Variants in WDR64 observed in about 807,000 individuals in gnomAD.
WDR64 encodes WD repeat domain 64, also known as WD repeat-containing protein 64.
WDR64 carries 112 observed loss-of-function variants against 139.3 expected under a neutral mutation model. The ratio of observed to expected loss-of-function variants is 0.80; its 90% CI spans 0.69 to 0.94. The LOEUF (loss-of-function observed/expected upper bound fraction) is 0.94. WDR64 is among the 40% of genes least tolerant of loss of function. The pLI is 0.00. For missense variants in WDR64, 1,206 were observed against 1,293.1 expected (o/e 0.93, Z 1.03); for synonymous variants, 444 against 437.7 (o/e 1.01, Z -0.18).
At chr1:241,702,911 C>A (rs1311489947) in intron 8 of WDR64, among the ~76,000 whole-genome samples, 1 of 152,050 alleles carries the variant, frequency 6.6e-6, no homozygotes, top group Non-Finnish European at 1.5e-5. Context: ...GCAAAATCTA[C>A]AATATTTGTT....
chr1:241,717,509 C>G (rs750393601), intron 9 of WDR64, among the ~76,000 whole-genome samples: 2 of 151,878 alleles, frequency 1.3e-5, no homozygotes, highest in Non-Finnish European at 2.9e-5. Flanking sequence ...AAGAGTGATG[C>G]ACTTAGATGA....
rs1248730932 is a variant in WDR64 at position 241,703,507 on chromosome 1, C to T, written c.975-8295C>T. Among the ~76,000 whole-genome samples, 1 of 147,474 alleles carries T rather than the reference C, an allele frequency of 6.8e-6. No individual in the cohort carries two copies. The highest frequency in any genetic ancestry group is 1.5e-5 in the Non-Finnish European group (1 of 66,720). ...GAAGAAACTGTCAGAAAATGTTTCTCTTTAAAATTGCTATCATTTCAGGGG... is the reference window on the plus strand; with the variant it reads ...GAAGAAACTGTCAGAAAATGTTTCTTTTTAAAATTGCTATCATTTCAGGGG... On this transcript the variant is annotated intron_variant, in intron 8 of 27. Coordinates refer to ENST00000437684, the MANE Select transcript of WDR64 (RefSeq NM_001367482.1). This position sits in a 1 kb window ranked among gnomAD's most constrained non-coding sequence, Gnocchi z 5.9.
chr1:241,724,763 T>C (rs921630249), intron 10 of WDR64, among the ~76,000 whole-genome samples: 6 of 152,222 alleles, frequency 3.9e-5, no homozygotes, highest in African/African-American at 1.4e-4. Flanking sequence ...TAAATAAACA[T>C]TCAAACTTTC....
intron 8 of WDR64, among the ~76,000 whole-genome samples, chr1:241,694,710 C>T (rs752172784): frequency 2.6e-5 from 4 of 152,130 alleles, no homozygotes; most frequent in Non-Finnish European, 4.4e-5. Context: ...CCAGAGAAAA[C>T]ATGTTCATTT....
chr1:241,787,360 C>CA (rs377529642), intron 23 of WDR64, among the ~76,000 whole-genome samples: 968 of 83,794 alleles, frequency 0.012, 22 homozygotes, highest in Middle Eastern at 0.034. Context: ...CGAGACTCCT[C>CA]AAAAAAAAAA....
At chr1:241,687,787 G>A (rs1255799441) in intron 8 of WDR64, among the ~76,000 whole-genome samples, 192 bp downstream of exon 8, 1 of 152,172 alleles carries the variant, frequency 6.6e-6, no homozygotes, top group East Asian at 1.9e-4. Flanking sequence ...TGAACATGAC[G>A]TGTCCTAACA....
chr1:241,725,135 G>A (rs1668752111), intron 10 of WDR64, among the ~76,000 whole-genome samples: 1 of 152,148 alleles, frequency 6.6e-6, no homozygotes, highest in African/African-American at 2.4e-5. Flanking sequence ...AGAAAGTGGA[G>A]TGAAGGGCAA....
chr1:241,772,172 T>C lies in WDR64; in HGVS notation c.2290+475T>C, dbSNP rs553281432. 5.4e-3 allele frequency among the ~76,000 whole-genome samples: 805 copies of C among 149,266 alleles called. 5 individuals are homozygous for C. Among genetic ancestry groups the C allele is most frequent in the African/African-American group, 0.019 (769 of 41,120 alleles). On this transcript the variant is annotated intron_variant, in intron 19 of 27. Coordinates refer to ENST00000437684, the MANE Select transcript of WDR64 (RefSeq NM_001367482.1). Reference sequence around the variant, plus strand: ...CTGCATTTATACACCATTCTGTATGTATAAGATTTATGAATAAATACCTTG... The same window carrying C: ...CTGCATTTATACACCATTCTGTATGCATAAGATTTATGAATAAATACCTTG...
chr1:241,769,352 A>AT, intron 16 of WDR64, 52 bp from the exon 17 acceptor site: 1 of 1,396,238 alleles, frequency 7.2e-7, no homozygotes, highest in Non-Finnish European at 9.9e-7. Context: ...TTAGTACTGT[A>AT]AGCTCCATAA....
chr1:241,671,085 C>T lies in WDR64; in HGVS notation c.288C>T (p.Tyr96=), dbSNP rs747506225. The T allele has an allele frequency of 1.3e-6, 2 of 1,548,662 alleles. No individual in the cohort carries two copies. Among genetic ancestry groups the T allele is most frequent in the South Asian group, 1.2e-5 (1 of 82,948 alleles). The change falls in exon 3 of 28, where the codon TAC becomes TAT. Residue 96 remains tyrosine (Y), a synonymous_variant. Transcript: ENST00000437684. ...GTTTGGGATTTCAGATCTTTGGATA[C>T]TTCTCCTCTGAAGAAGATCCTATTG... The part of the protein sequence containing the change: ...ASADWCEIFG[Y]FSSEEDPIAS...
chr1:241,767,369 A>T (rs915265540), intron 16 of WDR64, among the ~76,000 whole-genome samples: 1 of 152,020 alleles, frequency 6.6e-6, no homozygotes, highest in African/African-American at 2.4e-5. Context: ...TTGAGAAGGA[A>T]CTAAAGTAAC....
In WDR64 at chr1:241,660,653, G is replaced by A. The variant is rs2148055895; in HGVS notation, c.269G>A (p.Trp90Ter). 1 of 1,551,060 alleles carries A rather than the reference G, an allele frequency of 6.4e-7. No individual in the cohort carries two copies. Among genetic ancestry groups the A allele is most frequent in the South Asian group, 1.2e-5 (1 of 83,986 alleles). Residue 90 changes from tryptophan to a stop codon, truncating the protein, a stop_gained, in exon 2 of 28, where the codon TGG becomes TAG. Transcript: ENST00000437684. LOFTEE classifies it high-confidence loss of function. ...AACAACACGGATGCATCTGCAGACT[G>A]GTGTGAGGTAGACTCATTTCATGTT... Reference protein sequence around the residue: ...LCNNTDASADWCEIFGYFSSE... With the variant: ...LCNNTDASAD
intron 14 of WDR64, among the ~76,000 whole-genome samples, chr1:241,756,780 T>C (rs970214411): frequency 6.6e-6 from 1 of 152,212 alleles, no homozygotes; most frequent in Non-Finnish European, 1.5e-5. Flanking sequence ...CTGTGCCACC[T>C]GTCTGTAAAG....
chr1:241,746,571 GA>G (rs71174843), intron 13 of WDR64, among the ~76,000 whole-genome samples: 33,146 of 145,776 alleles, frequency 0.23, 4,107 homozygotes, highest in Middle Eastern at 0.36. Flanking sequence ...ACCAAAAACT[GA>G]AAAAAAAAAA....
Position 241,756,574 on chromosome 1 carries a change from G to A in WDR64, c.1771-709G>A, listed in dbSNP as rs527364045. Among the ~76,000 whole-genome samples, 134 of 152,028 alleles carry A rather than the reference G, an allele frequency of 8.8e-4. 4 individuals are homozygous for A. In the South Asian group the frequency reaches 0.025, roughly 28 times the overall value. On this transcript the variant is annotated intron_variant, in intron 14 of 27. Coordinates refer to ENST00000437684, the MANE Select transcript of WDR64 (RefSeq NM_001367482.1). ...TAAAGGGTCCCATTTCATATTCATC[G>A]GGCAAAACAACTAAGAAAATAAAAT...
chr1:241,794,563 C>CAGTGCTGTG lies in WDR64; in HGVS notation c.2998-642_2998-634dup, dbSNP rs1182753946. 4.8e-5 allele frequency among the ~76,000 whole-genome samples: 6 copies of CAGTGCTGTG among 124,686 alleles called. No homozygotes were observed. The East Asian group carries it at 1.6e-3, about 33-fold the overall frequency. The allele number at this position is 124,686 out of a possible 152,430, so 81.8% of individuals were successfully genotyped here. On this transcript the variant is annotated intron_variant, in intron 25 of 27. Transcript: ENST00000437684. ...TTGCTCTGTCATCCAGGCTGGAGTGCAGTGCTGTGATCTCGGCTCATTGCA... is the reference window on the plus strand; with the variant it reads ...TTGCTCTGTCATCCAGGCTGGAGTGCAGTGCTGTGAGTGCTGTGATCTCGGCTCATTGCA...
intron 12 of WDR64, among the ~76,000 whole-genome samples, chr1:241,742,423 A>G (rs144844558): frequency 4.6e-5 from 7 of 152,330 alleles, no homozygotes; most frequent in Non-Finnish European, 7.3e-5. Flanking sequence ...GACCTTGCTG[A>G]TAAAACGAGT....
chr1:241,706,992 G>T (rs1477811172), intron 8 of WDR64, among the ~76,000 whole-genome samples: 1 of 152,058 alleles, frequency 6.6e-6, no homozygotes, highest in Admixed American at 6.6e-5. Context: ...TGCCTTTCCT[G>T]TTGTGCATGT....
At chr1:241,673,563 C>T (rs200547610) in intron 3 of WDR64, among the ~76,000 whole-genome samples, 23 of 152,266 alleles carry the variant, frequency 1.5e-4, no homozygotes, top group African/African-American at 3.1e-4. Flanking sequence ...ATACTACATG[C>T]GTATCTGTGC....
Sources: gnomAD v4.1 joint callset for allele counts (sites outside exome capture counted in the v4.1 genomes callset) on GRCh38, gnomAD v4.1.1 for gene constraint, Gnocchi (gnomAD v3.1) non-coding constraint, MANE v1.5 for transcripts, NCBI Gene and HGNC (gene_info 2026-07-23, HGNC 2026-07-21) for gene names.